KDM4D: variants seen among roughly 807,000 people sequenced by gnomAD.
KDM4D encodes lysine demethylase 4D, also known as lysine-specific demethylase 4D.
For missense variants in KDM4D, 427 were observed against 674.8 expected, an observed-to-expected ratio of 0.63 and a Z score of 4.07; for synonymous variants, 254 against 249.1, an observed-to-expected ratio of 1.02 and a Z score of -0.19.
In KDM4D at chr11:94,998,656, G is replaced by A. The variant is rs1555099610; in HGVS notation, c.1284G>A (p.Lys428=). Residue 428 remains lysine (K), a synonymous_variant, in exon 3 of 3, where the codon AAG becomes AAA. Transcript: ENST00000335080. This position sits in a 1 kb window ranked among gnomAD's most constrained non-coding sequence, Gnocchi z 6.7. ...CTGCTGCTGTCCACAGCTCTAAGAA[G>A]CCCAGCTCAACTCCATCATCCACCC... The part of the protein sequence containing the change: ...PRAAAVHSSK[K]PSSTPSSTPG... The A allele has an allele frequency of 6.2e-7, 1 of 1,614,210 alleles. No individual in the cohort carries two copies. The highest frequency in any genetic ancestry group is 1.1e-5 in the South Asian group (1 of 91,090).
At chr11:94,981,465 C>G (rs1857842425) in intron 2 of KDM4D, among the ~76,000 whole-genome samples, 1 of 151,932 alleles carries the variant, frequency 6.6e-6, no homozygotes, top group Admixed American at 6.6e-5. Flanking sequence ...GTGTAGCCAT[C>G]TGGGCCTCGA....
In KDM4D at chr11:94,998,550, G is replaced by T; in HGVS notation, c.1178G>T (p.Ser393Ile). Residue 393 changes from serine (S) to isoleucine (I), a missense_variant, in exon 3 of 3, where the codon AGT becomes ATT. By Grantham distance (142) the Ser-to-Ile change is moderately radical. Coordinates refer to ENST00000335080, the MANE Select transcript of KDM4D (RefSeq NM_018039.3). This position sits in a 1 kb window ranked among gnomAD's most constrained non-coding sequence, Gnocchi z 6.7. ...RHSPWPMAARSGTRCHTLVCS... is the reference protein window; with the variant it reads ...RHSPWPMAARIGTRCHTLVCS... ...TCCCCTTGGCCTATGGCTGCCCGCA[G>T]TGGGACACGGTGCCACACCCTTGTG... 1 of 1,613,400 alleles carries T rather than the reference G, an allele frequency of 6.2e-7. No homozygotes were observed. The highest frequency in any genetic ancestry group is 1.7e-5 in the Admixed American group (1 of 60,034).
At chr11:94,996,023 C>T (rs1857973096) in intron 2 of KDM4D, among the ~76,000 whole-genome samples, 1 of 152,214 alleles carries the variant, frequency 6.6e-6, no homozygotes, top group Non-Finnish European at 1.5e-5. Context: ...TGCAAAGTCA[C>T]ACGGTATGAG....
chr11:94,997,387 G>T lies in KDM4D; in HGVS notation c.15G>T (p.Lys5Asn), dbSNP rs1555099316. 6.2e-7 allele frequency: 1 copy of T among 1,608,546 alleles called. No homozygotes were observed. Among genetic ancestry groups the T allele is most frequent in the Middle Eastern group, 1.7e-4 (1 of 6,030 alleles). METMKSKANCAQNPN... is the reference protein window; with the variant it reads METMNSKANCAQNPN... ...CTGCTTATTAAATGGAAACTATGAA[G>T]TCTAAGGCCAACTGTGCCCAGAATC... The change falls in exon 3 of 3, where the codon AAG becomes AAT. Residue 5 changes from lysine (K) to asparagine (N), a missense_variant. Coordinates refer to ENST00000335080, the MANE Select transcript of KDM4D (RefSeq NM_018039.3).
At chr11:94,979,400 T>G (rs1857825284) in intron 2 of KDM4D, among the ~76,000 whole-genome samples, 1 of 152,020 alleles carries the variant, frequency 6.6e-6, no homozygotes, top group Non-Finnish European at 1.5e-5. Context: ...TGGCTAATTT[T>G]TGTATTTTTA....
intron 2 of KDM4D, among the ~76,000 whole-genome samples, chr11:94,981,650 G>A (rs1294338453): frequency 6.6e-6 from 1 of 151,766 alleles, no homozygotes; most frequent in African/African-American, 2.4e-5. Flanking sequence ...CTTCTTTGTT[G>A]TCTCTTTTAT....
At position 94,998,559 on chromosome 11, in the gene KDM4D, G is replaced by A. The variant is rs200979184; in HGVS notation, c.1187G>A (p.Arg396Gln). ...CCTATGGCTGCCCGCAGTGGGACAC[G>A]GTGCCACACCCTTGTGTGCTCTTCA... ...PWPMAARSGT[R>Q]CHTLVCSSLP... Residue 396 changes from arginine (R) to glutamine (Q), a missense_variant, in exon 3 of 3, where the codon CGG becomes CAG. Transcript: ENST00000335080. This position sits in a 1 kb window ranked among gnomAD's most constrained non-coding sequence, Gnocchi z 6.7. 1.5e-4 allele frequency: 244 copies of A among 1,613,460 alleles called. 4 individuals are homozygous for A. The Middle Eastern group carries it at 8.7e-3, about 58-fold the overall frequency.
At position 94,998,906 on chromosome 11, in the gene KDM4D, G is replaced by T; in HGVS notation, c.1534G>T (p.Val512Phe). 1 of 1,514,442 alleles carries T rather than the reference G, an allele frequency of 6.6e-7. No homozygotes were observed. Among genetic ancestry groups the T allele is most frequent in the Non-Finnish European group, 8.8e-7 (1 of 1,131,416 alleles). The allele number at this position is 1,514,442 out of a possible 1,614,324, so 93.8% of individuals were successfully genotyped here. A position where few individuals can be genotyped will look rare whatever the true frequency, so the allele number is the denominator to read the frequency against. ...VPLSPGLQHP[V>F]KASGCSWAPV... ...ACTGAGCCCAGGGCTCCAGCATCCT[G>T]TCAAGGCTTCTGGGTGCAGCTGGGC... is the stretch of plus-strand genomic sequence containing the variant. Residue 512 changes from valine (V) to phenylalanine (F), a missense_variant, in exon 3 of 3, where the codon GTC becomes TTC. By Grantham distance (50) the Val-to-Phe change is conservative (BLOSUM62 -1). Coordinates refer to ENST00000335080, the MANE Select transcript of KDM4D (RefSeq NM_018039.3). The surrounding 1 kb of genome is among the most constrained non-coding windows in gnomAD (Gnocchi z 6.7).
intron 2 of KDM4D, among the ~76,000 whole-genome samples, chr11:94,980,391 T>G (rs1255223285): frequency 6.6e-6 from 1 of 152,112 alleles, no homozygotes; most frequent in African/African-American, 2.4e-5. Flanking sequence ...TCTTGGCCCT[T>G]TGGACTTTAC....
At chr11:94,977,039 T>C (rs2134107804) in intron 2 of KDM4D, among the ~76,000 whole-genome samples, 1 of 150,808 alleles carries the variant, frequency 6.6e-6, no homozygotes, top group East Asian at 1.9e-4. Flanking sequence ...GGATTACTGC[T>C]ACTGCTAGTG....
At position 94,998,458 on chromosome 11, in the gene KDM4D, G is replaced by A; in HGVS notation, c.1086G>A (p.Lys362=). The change falls in exon 3 of 3, where the codon AAG becomes AAA. Residue 362 remains lysine, a synonymous_variant. Coordinates refer to ENST00000335080, the MANE Select transcript of KDM4D (RefSeq NM_018039.3). The surrounding 1 kb of genome is among the most constrained non-coding windows in gnomAD (Gnocchi z 6.7). The part of the protein sequence containing the change: ...VPASQELSTQ[K]EVQLPRRAAL... ...CCAGCCAAGAGCTGAGCACCCAGAA[G>A]GAAGTCCAGTTACCCAGGAGAGCAG... 1 of 1,613,252 alleles carries A rather than the reference G, an allele frequency of 6.2e-7. No individual in the cohort carries two copies. The highest frequency in any genetic ancestry group is 2.2e-5 in the East Asian group (1 of 44,852).
At chr11:94,986,648 T>C (rs782132967) in intron 2 of KDM4D, among the ~76,000 whole-genome samples, 1 of 152,132 alleles carries the variant, frequency 6.6e-6, no homozygotes, top group Non-Finnish European at 1.5e-5. Context: ...CCTGCTAGAA[T>C]TGCTGTAATG....
intron 2 of KDM4D, among the ~76,000 whole-genome samples, chr11:94,992,916 A>T (rs1460432178): frequency 6.6e-6 from 1 of 152,180 alleles, no homozygotes; most frequent in Non-Finnish European, 1.5e-5. Flanking sequence ...TGAGAAAAAA[A>T]TTTGATTAAA....
At chr11:94,983,184 A>G (rs1025324165) in intron 2 of KDM4D, among the ~76,000 whole-genome samples, 1 of 152,088 alleles carries the variant, frequency 6.6e-6, no homozygotes, top group African/African-American at 2.4e-5. Flanking sequence ...GAGTTTAGAA[A>G]GACATCTATC....
intron 2 of KDM4D, among the ~76,000 whole-genome samples, chr11:94,983,287 G>GTT (rs1261571255): frequency 7.4e-5 from 11 of 149,288 alleles, no homozygotes; most frequent in African/African-American, 2.7e-4. Flanking sequence ...AAAAAAAAAA[G>GTT]TTCTGTTTCT....
intron 2 of KDM4D, among the ~76,000 whole-genome samples, chr11:94,982,582 AAG>A (rs1857851232): frequency 6.6e-6 from 1 of 151,574 alleles, no homozygotes; most frequent in East Asian, 1.9e-4. Context: ...TTAAAAAAAG[AAG>A]AGATATAATT....
intron 2 of KDM4D, among the ~76,000 whole-genome samples, chr11:94,990,474 G>A (rs782402088): frequency 4.6e-5 from 7 of 152,154 alleles, no homozygotes; most frequent in Non-Finnish European, 8.8e-5. Flanking sequence ...CTGGAACTAC[G>A]TTTGTATAAG....
intron 2 of KDM4D, among the ~76,000 whole-genome samples, chr11:94,984,861 C>T (rs1028386474): frequency 6.8e-5 from 10 of 148,010 alleles, no homozygotes; most frequent in East Asian, 3.9e-4. Flanking sequence ...AGCAAGACTC[C>T]GTCTCAAAAA....
At chr11:94,977,767 A>G (rs1412602548) in intron 2 of KDM4D, among the ~76,000 whole-genome samples, 2 of 152,124 alleles carry the variant, frequency 1.3e-5, no homozygotes, top group Non-Finnish European at 2.9e-5. Context: ...CATGTAGAAT[A>G]TAAGTTCTAA....
Sources: allele counts gnomAD v4.1 joint callset (sites outside exome capture counted in the v4.1 genomes callset), GRCh38; gene constraint gnomAD v4.1.1; non-coding constraint Gnocchi (gnomAD v3.1); transcripts MANE v1.5; gene names NCBI Gene and HGNC (gene_info 2026-07-23, HGNC 2026-07-21).